HIVEP3: variants seen among roughly 807,000 people sequenced by gnomAD.
HIVEP3 encodes HIVEP zinc finger 3.
HIVEP3 carries 49 observed loss-of-function variants against 152.8 expected under a neutral mutation model. That is an observed-to-expected ratio of 0.32 (90% CI 0.26 to 0.41). The LOEUF (loss-of-function observed/expected upper bound fraction) is 0.41. Ranked by LOEUF, HIVEP3 falls within the 10% of genes least tolerant of loss-of-function variation. The pLI, the probability that HIVEP3 is intolerant of heterozygous loss-of-function variation, is 1.00. For synonymous variants in HIVEP3, 1,269 were observed against 1,289.0 expected (o/e 0.98, Z 0.33); for missense variants, 2,790 against 3,103.3 (o/e 0.90, Z 2.40).
At chr1:41,545,023 C>CCACCATCGCTACCAT (rs1643697354) in intron 5 of HIVEP3, among the ~76,000 whole-genome samples, 1 of 100,848 alleles carries the variant, frequency 9.9e-6, no homozygotes, top group Non-Finnish European at 2.3e-5. Context: ...ACCACTACCA[C>CCACCATCGCTACCAT]CACCACCACC....
chr1:41,873,712 G>A lies in HIVEP3; in HGVS notation c.-801+44701C>T, dbSNP rs543138777. ...CAGAATACCTCACTACCTTCAGAAAGGAAGAAGGAGGGAAAAAAGGACAGA... is the reference window on the plus strand; with the variant it reads ...CAGAATACCTCACTACCTTCAGAAAAGAAGAAGGAGGGAAAAAAGGACAGA... On this transcript the variant is annotated intron_variant, in intron 1 of 8. Transcript: ENST00000372583. The surrounding 1 kb of genome is among the most constrained non-coding windows in gnomAD (Gnocchi z 4.2). Among the ~76,000 whole-genome samples the A allele has an allele frequency of 1.3e-5, 2 of 152,232 alleles. No individual in the cohort carries two copies. Among genetic ancestry groups the A allele is most frequent in the East Asian group, 1.9e-4 (1 of 5,182 alleles).
chr1:41,952,010 G>A (rs1645111577), intron 1 of HIVEP3, among the ~76,000 whole-genome samples: 1 of 152,124 alleles, frequency 6.6e-6, no homozygotes, highest in African/African-American at 2.4e-5. Flanking sequence ...CCTGACAATG[G>A]AGGTGGCAGA....
At chr1:42,012,650 G>A (rs945499036) in intron 1 of HIVEP3, among the ~76,000 whole-genome samples, 14 of 152,066 alleles carry the variant, frequency 9.2e-5, no homozygotes, top group African/African-American at 2.4e-4. Flanking sequence ...AGATTGTGCC[G>A]CTGCACTCCA....
chr1:41,917,870 G>T (rs555564031), intron 1 of HIVEP3, among the ~76,000 whole-genome samples: 2 of 152,184 alleles, frequency 1.3e-5, no homozygotes, highest in Admixed American at 6.5e-5. Context: ...TATCCCCTCT[G>T]TCTCAGCAGC....
intron 1 of HIVEP3, among the ~76,000 whole-genome samples, chr1:41,767,619 T>G (rs1231254649): frequency 6.6e-6 from 1 of 152,264 alleles, no homozygotes; most frequent in Non-Finnish European, 1.5e-5. Flanking sequence ...GCCTGCATTT[T>G]TGCTGTGCTT....
intron 1 of HIVEP3, among the ~76,000 whole-genome samples, chr1:41,849,999 A>T (rs1643551631): frequency 6.6e-6 from 1 of 152,182 alleles, no homozygotes; most frequent in Admixed American, 6.6e-5. Context: ...GGTAGACCCA[A>T]ATCTTAAAGC....
In HIVEP3 at chr1:41,508,214, G is replaced by T. The variant is rs965401848; in HGVS notation, c.*2237C>A. The stretch of plus-strand genomic sequence containing the variant: ...GCTTTGTAGGTCTGGGGCAGGAAGA[G>T]CTTGCCCAGGCAGATTTCTAACCTG... On this transcript the variant is annotated 3_prime_UTR_variant, in exon 9 of 9. Transcript: ENST00000372583. The T allele has an allele frequency of 1.3e-5, 2 of 152,292 alleles. No homozygotes were observed. The highest frequency in any genetic ancestry group is 2.9e-5 in the Non-Finnish European group (2 of 68,082). The allele number at this position is 152,292 out of a possible 1,614,324, so 9.4% of individuals were successfully genotyped here. A position where few individuals can be genotyped will look rare whatever the true frequency, so the allele number is the denominator to read the frequency against.
intron 1 of HIVEP3, among the ~76,000 whole-genome samples, chr1:41,845,570 C>T (rs886911600): frequency 6.6e-6 from 1 of 152,054 alleles, no homozygotes; most frequent in African/African-American, 2.4e-5. Context: ...ATTGCCAAGC[C>T]TTCCATTAAA....
At chr1:41,527,639 C>T in intron 5 of HIVEP3, among the ~76,000 whole-genome samples, 1 of 123,344 alleles carries the variant, frequency 8.1e-6, no homozygotes, top group African/African-American at 3.2e-5. Context: ...CACTCCACAT[C>T]CCCACCCTCA....
In HIVEP3 at chr1:41,691,362, C is replaced by G. The variant is rs1344480515; in HGVS notation, c.-721+9554G>C. 3.9e-5 allele frequency among the ~76,000 whole-genome samples: 6 copies of G among 152,326 alleles called. No homozygotes were observed. The East Asian group carries it at 1.2e-3, about 29-fold the overall frequency. ...AAAAAATCCTCCCCTTAAATCCTGA[C>G]TCAGATAACTACTGACATGACCATC... On this transcript the variant is annotated intron_variant, in intron 2 of 8. Transcript: ENST00000372583.
In HIVEP3 at chr1:41,968,516, C is replaced by T. The variant is rs138963740; in HGVS notation, n.120-49992G>A. Among the ~76,000 whole-genome samples the T allele has an allele frequency of 5.9e-3, 898 of 152,200 alleles. 11 individuals carry two copies. The highest frequency in any genetic ancestry group is 0.02 in the African/African-American group (819 of 41,542). On this transcript the variant is annotated intron_variant and non_coding_transcript_variant, in intron 1 of 3. Coordinates refer to the HIVEP3 transcript ENST00000489103. ...TTTGATAAAATTCAACATCCCTTCACGTTAAAAATTCTCAATAAACTAGGC... is the reference window on the plus strand; with the variant it reads ...TTTGATAAAATTCAACATCCCTTCATGTTAAAAATTCTCAATAAACTAGGC...
intron 1 of HIVEP3, among the ~76,000 whole-genome samples, chr1:41,776,454 G>C (rs1020547353): frequency 6.6e-6 from 1 of 152,244 alleles, no homozygotes; most frequent in African/African-American, 2.4e-5. Flanking sequence ...CTGGGTCCTT[G>C]AGATAATCTC....
chr1:41,725,308 C>G (rs1342529235), intron 1 of HIVEP3, among the ~76,000 whole-genome samples: 1 of 152,196 alleles, frequency 6.6e-6, no homozygotes, highest in Admixed American at 6.5e-5. Flanking sequence ...ACTCCTGCCA[C>G]AAGCCTCTCC....
intron 1 of HIVEP3, among the ~76,000 whole-genome samples, chr1:41,735,897 G>A (rs1014126817): frequency 6.6e-6 from 1 of 152,162 alleles, no homozygotes; most frequent in African/African-American, 2.4e-5. Flanking sequence ...AAGCAAGCAG[G>A]AGGGTGGGGG....
intron 3 of HIVEP3, among the ~76,000 whole-genome samples, chr1:41,628,409 G>A (rs998407469): frequency 1.3e-5 from 2 of 152,200 alleles, no homozygotes; most frequent in African/African-American, 4.8e-5. Context: ...CTGGCTTGTG[G>A]AGGCTGTGGC....
chr1:41,752,355 C>G (rs1337455948), intron 1 of HIVEP3, among the ~76,000 whole-genome samples: 4 of 152,216 alleles, frequency 2.6e-5, no homozygotes, highest in African/African-American at 9.6e-5. Context: ...AGCAGCTCAG[C>G]AGGCTCTGGG....
At chr1:41,730,611 G>A (rs1040280241) in intron 1 of HIVEP3, among the ~76,000 whole-genome samples, 2 of 152,244 alleles carry the variant, frequency 1.3e-5, no homozygotes, top group African/African-American at 4.8e-5. Flanking sequence ...GGGCGCCAGG[G>A]TGCAATCTAT....
intron 1 of HIVEP3, among the ~76,000 whole-genome samples, chr1:41,711,781 G>T (rs1367982557): frequency 3.3e-5 from 5 of 152,160 alleles, no homozygotes; most frequent in African/African-American, 1.2e-4. Context: ...CCACCACGTG[G>T]CTGGCAGGGG....
chr1:41,578,566 T>G (rs1644357727), intron 4 of HIVEP3, among the ~76,000 whole-genome samples: 3 of 152,168 alleles, frequency 2.0e-5, no homozygotes, highest in Admixed American at 2.0e-4. Flanking sequence ...ACAATATGAA[T>G]TTGGTTTAGG....
Sources: gnomAD v4.1 joint callset for allele counts (sites outside exome capture counted in the v4.1 genomes callset) on GRCh38, gnomAD v4.1.1 for gene constraint, Gnocchi (gnomAD v3.1) non-coding constraint, MANE v1.5 for transcripts, NCBI Gene and HGNC (gene_info 2026-07-23, HGNC 2026-07-21) for gene names.